DLG2: variants seen among roughly 807,000 people sequenced by gnomAD.
The protein encoded by DLG2 is discs large MAGUK scaffold protein 2, also known as disks large homolog 2.
DLG2 carries 45 observed loss-of-function variants against 132.5 expected under a neutral mutation model. The ratio of observed to expected loss-of-function variants is 0.34; its 90% CI spans 0.27 to 0.44. DLG2 has a LOEUF of 0.44. Ranked by LOEUF, DLG2 falls within the 20% of genes least tolerant of loss-of-function variation. The pLI is 1.00. For missense variants in DLG2, 1,045 were observed against 1,196.9 expected (o/e 0.87, Z 1.87); for synonymous variants, 424 against 419.6 (o/e 1.01, Z -0.13).
chr11:84,224,589 C>A (rs534539808), intron 8 of DLG2, among the ~76,000 whole-genome samples: 27 of 152,256 alleles, frequency 1.8e-4, no homozygotes, highest in East Asian at 9.6e-4. Flanking sequence ...TGATGTCATT[C>A]TTAATCCTAT....
chr11:85,476,600 A>AT (rs1340447105), intron 3 of DLG2, among the ~76,000 whole-genome samples: 11 of 152,050 alleles, frequency 7.2e-5, no homozygotes, highest in African/African-American at 2.2e-4. Flanking sequence ...ATTTTATGAG[A>AT]TTTTTTCTAT....
At chr11:85,469,268 G>T (rs1205969729) in intron 3 of DLG2, 1 of 152,122 alleles carries the variant, frequency 6.6e-6, no homozygotes, top group Non-Finnish European at 1.5e-5. Context: ...CCACTTTATT[G>T]GTCTCCTTGC....
chr11:85,362,761 T>C (rs2084261148), intron 3 of DLG2, among the ~76,000 whole-genome samples: 2 of 152,310 alleles, frequency 1.3e-5, no homozygotes, highest in Middle Eastern at 3.4e-3. Flanking sequence ...GATATTTTTC[T>C]TTTTTGAAAT....
intron 11 of DLG2, among the ~76,000 whole-genome samples, chr11:84,003,105 A>G (rs990464541): frequency 2.0e-5 from 3 of 150,644 alleles, no homozygotes; most frequent in Non-Finnish European, 4.4e-5. Context: ...AAATGCCTCC[A>G]GTCTCTTTGC....
In DLG2 at chr11:85,069,406, G is replaced by A. The variant is rs1313768350; in HGVS notation, c.357+42255C>T. Among the ~76,000 whole-genome samples the A allele has an allele frequency of 3.9e-5, 6 of 152,246 alleles. No individual in the cohort carries two copies. In the South Asian group the frequency reaches 1.2e-3, roughly 32 times the overall value. On this transcript the variant is annotated intron_variant, in intron 6 of 27. Transcript: ENST00000376104. Reference sequence around the variant, plus strand: ...GAAAATTTTTGCAAGCTACGCATCTGACAAAGGGCTAATATCCAGAATCTA... The same window carrying A: ...GAAAATTTTTGCAAGCTACGCATCTAACAAAGGGCTAATATCCAGAATCTA...
intron 9 of DLG2, among the ~76,000 whole-genome samples, chr11:84,129,263 G>T (rs1376730727): frequency 7.2e-5 from 11 of 152,232 alleles, no homozygotes; most frequent in Middle Eastern, 3.4e-3. Context: ...TCCAAAGGGT[G>T]AAGTCCCTGC....
At chr11:85,250,447 A>G (rs771779560) in intron 4 of DLG2, among the ~76,000 whole-genome samples, 2 of 152,178 alleles carry the variant, frequency 1.3e-5, no homozygotes, top group African/African-American at 2.4e-5. Flanking sequence ...CTGTTTTTTA[A>G]TAAAAGAAGT....
At chr11:84,565,337 C>G (rs1353401962) in intron 6 of DLG2, among the ~76,000 whole-genome samples, 1 of 152,060 alleles carries the variant, frequency 6.6e-6, no homozygotes, top group East Asian at 1.9e-4. Context: ...CTAAATATGT[C>G]AGTTATTTGC....
intron 6 of DLG2, among the ~76,000 whole-genome samples, chr11:84,741,106 G>C (rs1295792015): frequency 1.1e-4 from 13 of 119,590 alleles, no homozygotes; most frequent in Non-Finnish European, 1.6e-5. Context: ...TCGTTCTGTC[G>C]CCCAGGCGGG....
intron 19 of DLG2, among the ~76,000 whole-genome samples, chr11:83,580,135 C>G (rs2096944959): frequency 6.6e-6 from 1 of 151,810 alleles, no homozygotes; most frequent in South Asian, 2.1e-4. Context: ...TCATTTGTAT[C>G]ATCATACAAC....
intron 6 of DLG2, among the ~76,000 whole-genome samples, chr11:85,106,439 TATTAACTCCTA>T (rs906974315): frequency 3.3e-5 from 5 of 151,976 alleles, no homozygotes; most frequent in Non-Finnish European, 7.4e-5. Context: ...AAGAGTTGTA[TATTAACTCCTA>T]GAACCTTTTT....
intron 3 of DLG2, among the ~76,000 whole-genome samples, chr11:85,363,871 T>G (rs372300425): frequency 4.3e-4 from 65 of 152,298 alleles, no homozygotes; most frequent in African/African-American, 1.6e-3. Flanking sequence ...TGCAGGGAAA[T>G]TATAGTTTGT....
intron 9 of DLG2, among the ~76,000 whole-genome samples, chr11:84,135,152 G>GAA (rs2094557177): frequency 6.6e-6 from 1 of 152,032 alleles, no homozygotes; most frequent in African/African-American, 2.4e-5. Context: ...GCCTAGAACA[G>GAA]AACAGAACAG....
At chr11:85,440,931 A>T (rs1272299785) in intron 3 of DLG2, among the ~76,000 whole-genome samples, 1 of 152,158 alleles carries the variant, frequency 6.6e-6, no homozygotes, top group Non-Finnish European at 1.5e-5. Flanking sequence ...TTCCTCTGAG[A>T]AGCATGGTGG....
In DLG2 at chr11:85,554,615, C is replaced by T. The variant is rs894406879; in HGVS notation, c.40+44042G>A. ...GTCCCTCCCTAAAACTAACCCTCTC[C>T]TTGCTTAAGGACCAAAACTGCCTTT... On this transcript the variant is annotated intron_variant, in intron 3 of 27. Coordinates refer to ENST00000376104, the MANE Select transcript of DLG2 (RefSeq NM_001142699.3). Among the ~76,000 whole-genome samples, 66 of 151,802 alleles carry T rather than the reference C, an allele frequency of 4.3e-4. 2 individuals carry two copies. The highest frequency in any genetic ancestry group is 6.8e-4 in the Non-Finnish European group (46 of 67,856).
intron 7 of DLG2, among the ~76,000 whole-genome samples, chr11:84,430,060 G>A (rs998395398): frequency 6.6e-6 from 1 of 152,154 alleles, no homozygotes; most frequent in Non-Finnish European, 1.5e-5. Context: ...TGTAGATTCA[G>A]TAAACCTGTT....
chr11:85,080,958 T>G (rs1566808302), intron 6 of DLG2, among the ~76,000 whole-genome samples: 1 of 152,150 alleles, frequency 6.6e-6, no homozygotes, highest in East Asian at 1.9e-4. Flanking sequence ...GCTCAAAACA[T>G]TTTATTAAAA....
chr11:83,672,911 A>T (rs888686000), intron 18 of DLG2, among the ~76,000 whole-genome samples: 2 of 152,104 alleles, frequency 1.3e-5, no homozygotes, highest in Admixed American at 6.5e-5. Context: ...AATGCAAAAA[A>T]ATTAGCTGGA....
At chr11:85,178,651 AAG>A (rs1566972529) in intron 4 of DLG2, among the ~76,000 whole-genome samples, 2 of 152,070 alleles carry the variant, frequency 1.3e-5, no homozygotes, top group East Asian at 3.9e-4. Flanking sequence ...GGAAAACAGG[AAG>A]AGAGGGAACA....
Sources: allele counts gnomAD v4.1 joint callset (sites outside exome capture counted in the v4.1 genomes callset), GRCh38; gene constraint gnomAD v4.1.1; transcripts MANE v1.5; gene names NCBI Gene and HGNC (gene_info 2026-07-23, HGNC 2026-07-21).